The following CALN1 variants were observed in gnomAD, a reference collection of about 807,000 sequenced individuals.
The protein encoded by CALN1 is calcium-binding protein 8.
In CALN1, 17 loss-of-function variants were observed where a neutral mutation model predicts 30.6. The ratio of observed to expected loss-of-function variants is 0.56; its 90% CI spans 0.38 to 0.83. The LOEUF (loss-of-function observed/expected upper bound fraction) is 0.83. CALN1 is among the 40% of genes least tolerant of loss of function. The pLI is 0.00. For missense variants in CALN1, 291 were observed against 354.9 expected (o/e 0.82, Z 1.45); for synonymous variants, 156 against 131.4 (o/e 1.19, Z -1.28).
At chr7:71,968,662 G>C (rs1797644216) in intron 5 of CALN1, among the ~76,000 whole-genome samples, 1 of 151,980 alleles carries the variant, frequency 6.6e-6, no homozygotes, top group Non-Finnish European at 1.5e-5. Flanking sequence ...GATTACAGGT[G>C]TGAGCCACCG....
intron 2 of CALN1, among the ~76,000 whole-genome samples, chr7:72,334,137 G>A (rs1023652174): frequency 6.6e-6 from 1 of 152,198 alleles, no homozygotes. Context: ...GCTCAAAGGT[G>A]TGAAAGGGTC....
In CALN1 at chr7:72,218,349, A is replaced by AAGGC. The variant is rs1184613404; in HGVS notation, c.244+60333_244+60336dup. Among the ~76,000 whole-genome samples, 8 of 152,094 alleles carry AAGGC rather than the reference A, an allele frequency of 5.3e-5. 1 individual carries two copies. In the East Asian group the frequency reaches 1.4e-3, roughly 26 times the overall value. ...TGTAGTCCTAGCTACTCAGGAAGCT[A>AAGGC]AGGCAGGAGAATCACTTGAACCCAG... On this transcript the variant is annotated intron_variant, in intron 3 of 6. Transcript: ENST00000395275.
intron 5 of CALN1, among the ~76,000 whole-genome samples, chr7:71,974,865 T>C (rs925341132): frequency 3.3e-5 from 5 of 152,108 alleles, no homozygotes; most frequent in African/African-American, 4.8e-5. Context: ...GGATTAGCAA[T>C]TAGGTTGGAA....
At chr7:71,981,868 C>T (rs1447138088) in intron 5 of CALN1, among the ~76,000 whole-genome samples, 1 of 152,050 alleles carries the variant, frequency 6.6e-6, no homozygotes, top group Non-Finnish European at 1.5e-5. Context: ...CAGAAGTCTT[C>T]CTCTGTGTTG....
chr7:72,323,550 C>T (rs943256644), intron 2 of CALN1, among the ~76,000 whole-genome samples: 1 of 151,824 alleles, frequency 6.6e-6, no homozygotes, highest in Non-Finnish European at 1.5e-5. Flanking sequence ...GTAATCCCAG[C>T]TACTCAGGAG....
At position 72,101,022 on chromosome 7, in the gene CALN1, G is replaced by T. The variant is rs954408794; in HGVS notation, c.388+5129C>A. Among the ~76,000 whole-genome samples, 4 of 151,786 alleles carry T rather than the reference G, an allele frequency of 2.6e-5. No individual in the cohort carries two copies. The East Asian group carries it at 7.9e-4, about 30-fold the overall frequency. On this transcript the variant is annotated intron_variant, in intron 4 of 6. Transcript: ENST00000395275. ...TTTGTCACCCAGGCTGGAGTGCAGT[G>T]GCGTGATCTCAGCTTACTGCAACCT...
intron 4 of CALN1, among the ~76,000 whole-genome samples, chr7:72,058,331 T>TTTTTG: frequency 6.9e-6 from 1 of 144,772 alleles, no homozygotes; most frequent in African/African-American, 2.6e-5. Flanking sequence ...TTTTTTTTTT[T>TTTTTG]TTTTGAGACG....
intron 5 of CALN1, among the ~76,000 whole-genome samples, chr7:71,884,578 T>C (rs1342970031): frequency 1.3e-5 from 2 of 152,056 alleles, no homozygotes; most frequent in Non-Finnish European, 1.5e-5. Flanking sequence ...CTTTTAAAAA[T>C]AATACTGAGG....
At chr7:72,005,602 C>A (rs530208980) in intron 5 of CALN1, among the ~76,000 whole-genome samples, 1 of 152,086 alleles carries the variant, frequency 6.6e-6, no homozygotes, top group African/African-American at 2.4e-5. Flanking sequence ...AAGTGCTAGG[C>A]TTATGGACAT....
intron 4 of CALN1, among the ~76,000 whole-genome samples, chr7:72,037,457 A>G (rs951073958): frequency 6.6e-6 from 1 of 152,168 alleles, no homozygotes; most frequent in Non-Finnish European, 1.5e-5. Context: ...GCCTCCTTTC[A>G]TAATTTTTGA....
intron 3 of CALN1, among the ~76,000 whole-genome samples, chr7:72,147,972 T>G: frequency 6.7e-6 from 1 of 148,810 alleles, no homozygotes; most frequent in Admixed American, 6.7e-5. Flanking sequence ...AGGGATAGCA[T>G]TAGGAGATAT....
At chr7:71,847,333 C>T (rs1584358706) in intron 5 of CALN1, among the ~76,000 whole-genome samples, 2 of 151,938 alleles carry the variant, frequency 1.3e-5, no homozygotes, top group East Asian at 3.9e-4. Flanking sequence ...GTGAATAAGT[C>T]TCATGAGACC....
intron 3 of CALN1, among the ~76,000 whole-genome samples, chr7:72,273,249 C>T (rs1053809294): frequency 6.6e-6 from 1 of 151,936 alleles, no homozygotes; most frequent in African/African-American, 2.4e-5. Flanking sequence ...CTCGACTACC[C>T]TGTCTCTACT....
intron 5 of CALN1, among the ~76,000 whole-genome samples, chr7:71,964,363 A>G (rs1433447416): frequency 2.0e-5 from 3 of 152,174 alleles, no homozygotes; most frequent in Non-Finnish European, 4.4e-5. Context: ...CGTCTGTTAC[A>G]GTGTGCTCTT....
intron 5 of CALN1, among the ~76,000 whole-genome samples, chr7:71,872,668 C>T (rs1324422010): frequency 6.6e-6 from 1 of 151,068 alleles, no homozygotes; most frequent in Admixed American, 6.6e-5. Flanking sequence ...GGCTGGAGTG[C>T]AGTGGTGTGA....
chr7:72,403,149 C>G (rs1003220307), intron 2 of CALN1, 102 bp downstream of exon 2: 2 of 796,128 alleles, frequency 2.5e-6, no homozygotes, highest in Admixed American at 5.2e-5. Context: ...CCTCTCCAGC[C>G]TAGACACGCA....
At chr7:72,046,328 A>G (rs1802468746) in intron 4 of CALN1, among the ~76,000 whole-genome samples, 1 of 151,964 alleles carries the variant, frequency 6.6e-6, no homozygotes, top group African/African-American at 2.4e-5. Context: ...GCAGCTTCCA[A>G]TTCCGAGGCT....
rs911432730 is a variant in CALN1 at position 72,076,263 on chromosome 7, A to G, written c.388+29888T>C. On this transcript the variant is annotated intron_variant, in intron 4 of 6. Transcript: ENST00000395275. ...GTTCACCTAGGTAACAAACCTGCAC[A>G]TCCTGCACATGTACCCCGGAACTTA... is the stretch of plus-strand genomic sequence containing the variant. Among the ~76,000 whole-genome samples the G allele has an allele frequency of 7.9e-5, 12 of 151,840 alleles. 1 individual carries two copies. The highest frequency in any genetic ancestry group is 7.9e-4 in the Admixed American group (12 of 15,204).
chr7:72,354,030 T>C (rs1443625360), intron 2 of CALN1, among the ~76,000 whole-genome samples: 3 of 151,902 alleles, frequency 2.0e-5, no homozygotes, highest in Non-Finnish European at 4.4e-5. Flanking sequence ...CTACTAAAAA[T>C]ACAAAAATTA....
Sources: gnomAD v4.1 joint callset for allele counts (sites outside exome capture counted in the v4.1 genomes callset) on GRCh38, gnomAD v4.1.1 for gene constraint, MANE v1.5 for transcripts, NCBI Gene and HGNC (gene_info 2026-07-23, HGNC 2026-07-21) for gene names.